GARIN1B: variants seen among roughly 807,000 people sequenced by gnomAD.
GARIN1B encodes the protein Golgi-associated RAB2 interactor protein 1B.
At chr7:128,721,198 G>T in the GARIN1B span, among the ~76,000 whole-genome samples, 8 of 152,196 alleles carry the variant, frequency 5.3e-5, no homozygotes, top group South Asian at 8.3e-4. Context: ...CTGTTGCCCA[G>T]GTTGGTCTTG....
At chr7:128,711,083 T>G in the GARIN1B span, among the ~76,000 whole-genome samples, 1 of 152,196 alleles carries the variant, frequency 6.6e-6, no homozygotes, top group Non-Finnish European at 1.5e-5. Context: ...AGAAGAGTCT[T>G]GTCAAATATT....
chr7:128,729,073 G>T, the GARIN1B span, among the ~76,000 whole-genome samples: 1 of 152,174 alleles, frequency 6.6e-6, no homozygotes, highest in Non-Finnish European at 1.5e-5. Flanking sequence ...CAGGGTATCT[G>T]GCATCATGGG....
chr7:128,727,155 C>T, the GARIN1B span, among the ~76,000 whole-genome samples: 3 of 152,230 alleles, frequency 2.0e-5, no homozygotes, highest in Non-Finnish European at 2.9e-5. Context: ...GCCTGTAGCA[C>T]TCTTCCATAA....
chr7:128,725,338 T>TTTCCTTCCTTCCTTCCTTCC, the GARIN1B span, among the ~76,000 whole-genome samples: 12 of 149,404 alleles, frequency 8.0e-5, 1 homozygote, highest in East Asian at 1.6e-3. Flanking sequence ...ATCAAATCAC[T>TTTCCTTCCTTCCTTCCTTCC]TTCCTTCCTT....
the GARIN1B span, chr7:128,715,515 C>A: frequency 1.2e-6 from 2 of 1,614,142 alleles, no homozygotes; most frequent in Non-Finnish European, 1.7e-6. Flanking sequence ...AGATCCTATC[C>A]AACCTTCCCT....
the GARIN1B span, chr7:128,709,093 CATA>C: frequency 0.14 from 20,940 of 152,300 alleles, 1,602 homozygotes; most frequent in African/African-American, 0.19. Flanking sequence ...AGGATGCAGA[CATA>C]ATGATGGCAG....
the GARIN1B span, among the ~76,000 whole-genome samples, chr7:128,715,860 C>T: frequency 2.6e-5 from 4 of 152,114 alleles, no homozygotes; most frequent in African/African-American, 9.7e-5. Context: ...TTTGCTGAGC[C>T]CCAGACGGGG....
At chr7:128,722,190 T>C in the GARIN1B span, among the ~76,000 whole-genome samples, 1 of 152,244 alleles carries the variant, frequency 6.6e-6, no homozygotes, top group Non-Finnish European at 1.5e-5. Context: ...TATTACTTCT[T>C]CTTTAAATAT....
the GARIN1B span, among the ~76,000 whole-genome samples, chr7:128,713,377 A>C: frequency 5.4e-4 from 83 of 152,348 alleles, no homozygotes; most frequent in African/African-American, 1.9e-3. Context: ...AGTATCTGTC[A>C]CATGGTTTCT....
the GARIN1B span, among the ~76,000 whole-genome samples, chr7:128,714,593 AT>A: frequency 7.3e-6 from 1 of 136,876 alleles, no homozygotes; most frequent in East Asian, 2.2e-4. Flanking sequence ...AAAAAAAAAA[AT>A]TTAGAATTTG....
At chr7:128,731,314 C>G in the GARIN1B span, 2 of 629,788 alleles carry the variant, frequency 3.2e-6, no homozygotes, top group Non-Finnish European at 5.7e-6. Context: ...TATGCCACCT[C>G]CATGCCACTG....
At chr7:128,723,492 T>A in the GARIN1B span, 1 of 571,790 alleles carries the variant, frequency 1.7e-6, no homozygotes, top group Non-Finnish European at 2.8e-6. Context: ...GCAGATGGAT[T>A]GCTTGAGGTC....
the GARIN1B span, chr7:128,723,412 T>C: frequency 2.0e-6 from 3 of 1,504,400 alleles, no homozygotes; most frequent in African/African-American, 1.4e-5. Context: ...GCTTGGTTAA[T>C]GAGCGCAGGG....
chr7:128,723,125 G>A, the GARIN1B span: 2 of 1,467,938 alleles, frequency 1.4e-6, no homozygotes, highest in African/African-American at 1.4e-5. Context: ...TTAGAGTCTG[G>A]ACCATGATAT....
chr7:128,715,587 G>A, the GARIN1B span: 2 of 1,614,186 alleles, frequency 1.2e-6, no homozygotes, highest in South Asian at 1.1e-5. Context: ...CCGAACCCTG[G>A]AGCGGGCCTA....
At chr7:128,730,213 C>A in the GARIN1B span, 1 of 960,538 alleles carries the variant, frequency 1.0e-6, no homozygotes, top group Non-Finnish European at 1.5e-6. Context: ...AGACCTCAGC[C>A]CTCTTTTCCC....
chr7:128,727,016 G>T, the GARIN1B span: 2 of 685,452 alleles, frequency 2.9e-6, no homozygotes, highest in Non-Finnish European at 4.9e-6. Context: ...ATTCCTTTAG[G>T]CTCTCTGGCC....
chr7:128,720,147 T>C, the GARIN1B span, among the ~76,000 whole-genome samples: 2 of 152,176 alleles, frequency 1.3e-5, no homozygotes, highest in South Asian at 4.1e-4. Flanking sequence ...ATGATGTTTT[T>C]GAGGAGCAAA....
At chr7:128,723,112 A>T in the GARIN1B span, 208 of 1,417,470 alleles carry the variant, frequency 1.5e-4, no homozygotes, top group African/African-American at 2.7e-3. Context: ...GAGTTCCAAC[A>T]CTTTAGAGTC....
Sources: gnomAD v4.1 joint callset for allele counts (sites outside exome capture counted in the v4.1 genomes callset) on GRCh38, gnomAD v4.1.1 for gene constraint, MANE v1.5 for transcripts, NCBI Gene and HGNC (gene_info 2026-07-23, HGNC 2026-07-21) for gene names.